PCDH17: variants seen among roughly 807,000 people sequenced by gnomAD.
PCDH17 encodes protocadherin 17.
PCDH17 carries 21 observed loss-of-function variants against 67.7 expected under a neutral mutation model. The ratio of observed to expected loss-of-function variants is 0.31; its 90% CI spans 0.22 to 0.45. PCDH17 has a LOEUF of 0.45. Ranked by LOEUF, PCDH17 falls within the 20% of genes least tolerant of loss-of-function variation. The pLI, the probability that PCDH17 is intolerant of heterozygous loss-of-function variation, is 1.00. For synonymous variants in PCDH17, 701 were observed against 656.7 expected, an observed-to-expected ratio of 1.07 and a Z score of -1.03; for missense variants, 1,471 against 1,564.8, an observed-to-expected ratio of 0.94 and a Z score of 1.01.
intron 3 of PCDH17, among the ~76,000 whole-genome samples, chr13:57,711,152 T>A (rs939238333): frequency 5.9e-5 from 9 of 151,964 alleles, no homozygotes; most frequent in African/African-American, 2.2e-4. Flanking sequence ...TCATTTTGGA[T>A]TTTAGAATGT....
chr13:57,657,711 A>G (rs938169941), intron 1 of PCDH17, among the ~76,000 whole-genome samples: 2 of 152,234 alleles, frequency 1.3e-5, no homozygotes, highest in East Asian at 3.8e-4. Context: ...TTTCAACGCA[A>G]TGGTATCAAG....
At chr13:57,702,852 G>A (rs959674963) in intron 3 of PCDH17, among the ~76,000 whole-genome samples, 2 of 152,230 alleles carry the variant, frequency 1.3e-5, no homozygotes, top group Admixed American at 1.3e-4. Flanking sequence ...TCAAAAAGTG[G>A]TTAGAAAAAT....
Position 57,632,350 on chromosome 13 carries a change from A to C in PCDH17, c.-197A>C, listed in dbSNP as rs1190835041. On this transcript the variant is annotated 5_prime_UTR_variant, in exon 1 of 4. Transcript: ENST00000377918. Reference sequence around the variant, plus strand: ...TTCTCACCCAGTGCGGATGCTGTAGATCAACAGGTTCAGGGAACTTGAGCA... The same window carrying C: ...TTCTCACCCAGTGCGGATGCTGTAGCTCAACAGGTTCAGGGAACTTGAGCA... The C allele has an allele frequency of 1.6e-6, 1 of 606,740 alleles. No homozygotes were observed. Among genetic ancestry groups the C allele is most frequent in the Non-Finnish European group, 2.9e-6 (1 of 345,282 alleles). The allele number at this position is 606,740 out of a possible 1,614,324, so 37.6% of individuals were successfully genotyped here. A position where few individuals can be genotyped will look rare whatever the true frequency, so the allele number is the denominator to read the frequency against.
intron 3 of PCDH17, among the ~76,000 whole-genome samples, chr13:57,712,572 A>G (rs903574124): frequency 6.6e-6 from 1 of 151,716 alleles, no homozygotes; most frequent in Non-Finnish European, 1.5e-5. Context: ...CACCAAACTG[A>G]ATAATTCATC....
intron 3 of PCDH17, among the ~76,000 whole-genome samples, chr13:57,681,130 G>A (rs377546532): frequency 9.2e-5 from 14 of 151,792 alleles, no homozygotes; most frequent in African/African-American, 2.9e-4. Flanking sequence ...AGAGAACTGA[G>A]GTAACTCGCT....
intron 1 of PCDH17, among the ~76,000 whole-genome samples, chr13:57,636,207 C>T (rs1954820773): frequency 6.6e-6 from 1 of 152,010 alleles, no homozygotes; most frequent in African/African-American, 2.4e-5. Context: ...TTCATTCTTG[C>T]TTATTATAAT....
At chr13:57,721,923 T>A (rs560315942) in intron 3 of PCDH17, among the ~76,000 whole-genome samples, 1 of 152,194 alleles carries the variant, frequency 6.6e-6, no homozygotes, top group Non-Finnish European at 1.5e-5. Context: ...TCTCACAAAT[T>A]CTAACTTGAC....
At chr13:57,664,357 A>T (rs1205894725) in intron 1 of PCDH17, among the ~76,000 whole-genome samples, 1 of 152,194 alleles carries the variant, frequency 6.6e-6, no homozygotes, top group African/African-American at 2.4e-5. Context: ...GTGTGTGTAC[A>T]TATAATTTTA....
intron 3 of PCDH17, among the ~76,000 whole-genome samples, chr13:57,718,556 A>G (rs923464084): frequency 6.6e-6 from 1 of 152,016 alleles, no homozygotes; most frequent in African/African-American, 2.4e-5. Context: ...TATTATTATA[A>G]CAAGTGTAAA....
intron 3 of PCDH17, among the ~76,000 whole-genome samples, chr13:57,672,509 C>G (rs891173606): frequency 6.6e-6 from 1 of 151,842 alleles, no homozygotes; most frequent in African/African-American, 2.4e-5. Context: ...TTTCCACAAC[C>G]TGTATTTTAC....
chr13:57,669,650 C>T (rs1955296794), intron 3 of PCDH17, among the ~76,000 whole-genome samples: 1 of 152,036 alleles, frequency 6.6e-6, no homozygotes, highest in Non-Finnish European at 1.5e-5. Flanking sequence ...GTTTAACCTG[C>T]AAACTCTAAA....
chr13:57,700,942 A>G (rs533405586), intron 3 of PCDH17, among the ~76,000 whole-genome samples: 1 of 152,152 alleles, frequency 6.6e-6, no homozygotes, highest in Admixed American at 6.5e-5. Context: ...GGCAGGAGGA[A>G]CAATGAGCCC....
chr13:57,691,142 T>C (rs1955554835), intron 3 of PCDH17, among the ~76,000 whole-genome samples: 1 of 151,432 alleles, frequency 6.6e-6, no homozygotes, highest in African/African-American at 2.4e-5. Context: ...AAATTAAATA[T>C]GAAGTAATTA....
chr13:57,682,942 T>C (rs1955468260), intron 3 of PCDH17, among the ~76,000 whole-genome samples: 2 of 151,988 alleles, frequency 1.3e-5, no homozygotes, highest in South Asian at 4.2e-4. Context: ...TTATGTACAC[T>C]TATCTAACTT....
rs372830997 is a variant in PCDH17 at position 57,724,725 on chromosome 13, A to T, written c.2911A>T (p.Thr971Ser). ...ANQAENADYR[T>S]NLFVPTVEAN... ...TCAGGCTGAAAATGCAGATTACCGC[A>T]CAAATCTCTTTGTACCTACAGTTGA... The change falls in exon 4 of 4, where the codon ACA (threonine) becomes TCA (serine). Residue 971 changes from threonine (T) to serine (S), a missense_variant. Thr to Ser is a moderately conservative substitution (Grantham distance 58). Coordinates refer to ENST00000377918, the MANE Select transcript of PCDH17 (RefSeq NM_001040429.3). The T allele has an allele frequency of 6.2e-7, 1 of 1,614,026 alleles. No individual in the cohort carries two copies. The highest frequency in any genetic ancestry group is 8.5e-7 in the Non-Finnish European group (1 of 1,180,024).
At chr13:57,699,488 C>G (rs975786306) in intron 3 of PCDH17, among the ~76,000 whole-genome samples, 1 of 152,040 alleles carries the variant, frequency 6.6e-6, no homozygotes, top group Admixed American at 6.6e-5. Flanking sequence ...TGCACAGTCT[C>G]TTTGCATACT....
intron 1 of PCDH17, among the ~76,000 whole-genome samples, chr13:57,656,982 T>G (rs1025719798): frequency 6.6e-6 from 1 of 152,220 alleles, no homozygotes; most frequent in Non-Finnish European, 1.5e-5. Context: ...TGCGCTTTCA[T>G]AGATAACAAA....
chr13:57,631,375 C>A (rs1307214721), upstream of PCDH17, among the ~76,000 whole-genome samples: 3 of 152,138 alleles, frequency 2.0e-5, no homozygotes, highest in Non-Finnish European at 2.9e-5. Context: ...GCTCCCCCTT[C>A]CTTTTTATTC....
At chr13:57,645,343 T>C (rs1407002026) in intron 1 of PCDH17, among the ~76,000 whole-genome samples, 2 of 151,636 alleles carry the variant, frequency 1.3e-5, no homozygotes, top group Admixed American at 1.3e-4. Flanking sequence ...CTTAAAAAAA[T>C]ATGAATTCTT....
Sources: allele counts gnomAD v4.1 joint callset (sites outside exome capture counted in the v4.1 genomes callset), GRCh38; gene constraint gnomAD v4.1.1; transcripts MANE v1.5; gene names NCBI Gene and HGNC (gene_info 2026-07-23, HGNC 2026-07-21).